SYT14: variants seen among roughly 807,000 people sequenced by gnomAD.
SYT14 encodes synaptotagmin 14.
In SYT14, 32 loss-of-function variants were observed where a neutral mutation model predicts 74.2. The ratio of observed to expected loss-of-function variants is 0.43; its 90% CI spans 0.33 to 0.58. The LOEUF (loss-of-function observed/expected upper bound fraction) is 0.58, where lower values mean the gene tolerates loss of function less well. SYT14 is among the 20% of genes least tolerant of loss of function. The pLI is 0.05. For synonymous variants in SYT14, 298 were observed against 337.7 expected (o/e 0.88, Z 1.29); for missense variants, 791 against 981.8 (o/e 0.81, Z 2.60).
chr1:210,117,820 T>C (rs898087663), intron 7 of SYT14, among the ~76,000 whole-genome samples: 18 of 152,192 alleles, frequency 1.2e-4, no homozygotes, highest in African/African-American at 4.3e-4. Context: ...ATTTTGAACA[T>C]GCAGGAAGAC....
At chr1:210,087,959 T>C (rs991329550) in intron 5 of SYT14, among the ~76,000 whole-genome samples, 3 of 152,154 alleles carry the variant, frequency 2.0e-5, no homozygotes, top group Non-Finnish European at 4.4e-5. Flanking sequence ...TTAATGTCTG[T>C]GGGATTTGAA....
At chr1:210,136,282 A>G (rs2082784514) in intron 7 of SYT14, among the ~76,000 whole-genome samples, 1 of 152,102 alleles carries the variant, frequency 6.6e-6, no homozygotes, top group African/African-American at 2.4e-5. Context: ...GTGCATGTGT[A>G]TGTGAGAGAG....
intron 2 of SYT14, among the ~76,000 whole-genome samples, chr1:209,990,551 A>ATATATATG (rs1558114681): frequency 2.7e-5 from 3 of 113,128 alleles, no homozygotes; most frequent in African/African-American, 9.1e-5. Context: ...ATATATATGT[A>ATATATATG]TATATATACG....
At chr1:210,113,811 G>GC (rs1350998308) in intron 7 of SYT14, among the ~76,000 whole-genome samples, 1 of 151,226 alleles carries the variant, frequency 6.6e-6, no homozygotes, top group African/African-American at 2.5e-5. Context: ...GGCAGGTGGG[G>GC]ATAACTAAAA....
intron 2 of SYT14, among the ~76,000 whole-genome samples, chr1:210,007,164 A>G (rs867439198): frequency 6.6e-5 from 10 of 151,998 alleles, no homozygotes; most frequent in Admixed American, 3.3e-4. Flanking sequence ...GTAAATACAT[A>G]TATTTATTTC....
At position 209,942,720 on chromosome 1, in the gene SYT14, A is replaced by G. The variant is rs961755675; in HGVS notation, c.-534+4443A>G. Among the ~76,000 whole-genome samples the G allele has an allele frequency of 5.3e-5, 8 of 152,156 alleles. 1 individual carries two copies. The South Asian group carries it at 8.3e-4, about 16-fold the overall frequency. ...AGATAAGGCTGGTCCTTAATGATCT[A>G]ACTTCCTTCCTTCATCCGGTCCACA... On this transcript the variant is annotated intron_variant, in intron 1 of 9. Transcript: ENST00000637265.
intron 5 of SYT14, among the ~76,000 whole-genome samples, chr1:210,064,193 G>A (rs567005465): frequency 6.6e-6 from 1 of 151,944 alleles, no homozygotes; most frequent in South Asian, 2.1e-4. Context: ...TTAGCATAAA[G>A]TTTTCAAAGT....
At chr1:210,067,789 A>T (rs2081323818) in intron 5 of SYT14, among the ~76,000 whole-genome samples, 1 of 151,916 alleles carries the variant, frequency 6.6e-6, no homozygotes, top group Non-Finnish European at 1.5e-5. Flanking sequence ...AGCTGATAAT[A>T]TAGAAATGTG....
At chr1:209,939,916 C>T (rs1284448817) in intron 1 of SYT14, among the ~76,000 whole-genome samples, 1 of 152,158 alleles carries the variant, frequency 6.6e-6, no homozygotes, top group African/African-American at 2.4e-5. Flanking sequence ...GTTACTGATT[C>T]ATTTTCCATG....
intron 2 of SYT14, among the ~76,000 whole-genome samples, chr1:209,962,629 A>G (rs1019859237): frequency 1.3e-5 from 2 of 152,066 alleles, no homozygotes; most frequent in East Asian, 3.9e-4. Context: ...CATGCTTGTT[A>G]TTTTTAATTT....
chr1:210,162,765 AT>A, exon 10 of SYT14: 1 of 445,404 alleles, frequency 2.2e-6, no homozygotes, highest in Non-Finnish European at 4.5e-6. Context: ...GAACTTCTGT[AT>A]TTTTTTAGTT....
intron 5 of SYT14, among the ~76,000 whole-genome samples, chr1:210,046,773 T>C (rs4844941): frequency 0.05 from 7,647 of 152,264 alleles, 1,058 homozygotes; most frequent in East Asian, 0.42. Context: ...TGATGAACTT[T>C]TAGGGCATTT....
chr1:209,945,907 A>G (rs944917816), intron 1 of SYT14, among the ~76,000 whole-genome samples: 3 of 151,952 alleles, frequency 2.0e-5, no homozygotes, highest in African/African-American at 4.8e-5. Flanking sequence ...GAATGAATCT[A>G]TTGGCACAAT....
At position 210,035,944 on chromosome 1, in the gene SYT14, C is replaced by T. The variant is rs1280652597; in HGVS notation, c.1312+14690C>T. 5.3e-5 allele frequency among the ~76,000 whole-genome samples: 8 copies of T among 151,812 alleles called. No individual in the cohort carries two copies. The East Asian group carries it at 7.7e-4, about 15-fold the overall frequency. On this transcript the variant is annotated intron_variant, in intron 5 of 9. Transcript: ENST00000637265. Reference sequence around the variant, plus strand: ...TTGTTTTTTCTAATTCCGTGAAAAACGATATTGTTATTTTGTTGGGGATTA... The same window carrying T: ...TTGTTTTTTCTAATTCCGTGAAAAATGATATTGTTATTTTGTTGGGGATTA...
At chr1:209,998,222 A>G (rs1163983624) in intron 2 of SYT14, among the ~76,000 whole-genome samples, 1 of 152,186 alleles carries the variant, frequency 6.6e-6, no homozygotes. Flanking sequence ...GGAAAACAAA[A>G]TAAAATAATA....
chr1:210,110,366 A>G (rs1398064918), intron 7 of SYT14, among the ~76,000 whole-genome samples: 1 of 152,236 alleles, frequency 6.6e-6, no homozygotes, highest in African/African-American at 2.4e-5. Context: ...AGGAGGACAA[A>G]ATAGGAGGAC....
intron 3 of SYT14, among the ~76,000 whole-genome samples, 166 bp downstream of exon 3, chr1:210,013,963 CTGT>C (rs1436508324): frequency 6.6e-6 from 1 of 152,108 alleles, no homozygotes; most frequent in African/African-American, 2.4e-5. Flanking sequence ...AGGTATTCTT[CTGT>C]TGTTTATGAA....
chr1:209,974,565 G>A (rs1346272742), intron 2 of SYT14, among the ~76,000 whole-genome samples: 3 of 152,056 alleles, frequency 2.0e-5, no homozygotes, highest in African/African-American at 4.8e-5. Flanking sequence ...TGTTCCATTG[G>A]TCTATATCTC....
intron 5 of SYT14, among the ~76,000 whole-genome samples, chr1:210,035,783 G>A (rs991123588): frequency 6.6e-6 from 1 of 151,948 alleles, no homozygotes; most frequent in Non-Finnish European, 1.5e-5. Context: ...TTTTGTACCA[G>A]TACCATGCTG....
Sources: allele counts gnomAD v4.1 joint callset (sites outside exome capture counted in the v4.1 genomes callset), GRCh38; gene constraint gnomAD v4.1.1; transcripts MANE v1.5; gene names NCBI Gene and HGNC (gene_info 2026-07-23, HGNC 2026-07-21).